The following POLR1A variants were observed in gnomAD, a reference collection of about 807,000 sequenced individuals.
The protein encoded by POLR1A is RNA polymerase I subunit A.
A neutral mutation model predicts 205.3 loss-of-function variants in POLR1A; 84 were observed. The observed-to-expected ratio is 0.41, with a 90% CI of 0.34 to 0.49. The LOEUF (loss-of-function observed/expected upper bound fraction) is 0.49, where lower values mean the gene tolerates loss of function less well. Among genes scored for constraint, POLR1A ranks in the 20% least tolerant of loss-of-function variants. POLR1A has a pLI of 0.22. For synonymous variants in POLR1A, 799 were observed against 863.7 expected, an observed-to-expected ratio of 0.93 and a Z score of 1.31; for missense variants, 1,645 against 2,204.5, an observed-to-expected ratio of 0.75 and a Z score of 5.08.
intron 30 of POLR1A, 76 bp from the exon 31 acceptor site, chr2:86,030,472 C>G: frequency 9.1e-7 from 1 of 1,095,872 alleles, no homozygotes. Flanking sequence ...GAGACTCCTT[C>G]AAAACCTTTT....
intron 27 of POLR1A, among the ~76,000 whole-genome samples, chr2:86,037,387 C>T (rs1203610708): frequency 6.6e-6 from 1 of 152,276 alleles, no homozygotes; most frequent in African/African-American, 2.4e-5. Flanking sequence ...TCCTCCACCC[C>T]AAGACCCACC....
chr2:86,062,445 A>C, intron 14 of POLR1A, among the ~76,000 whole-genome samples: 1 of 152,166 alleles, frequency 6.6e-6, no homozygotes, highest in East Asian at 1.9e-4. Context: ...ATAACTGAAC[A>C]ACATACTTCT....
chr2:86,089,628 G>T (rs1673565691), intron 4 of POLR1A, among the ~76,000 whole-genome samples, 194 bp downstream of exon 4: 1 of 152,202 alleles, frequency 6.6e-6, no homozygotes, highest in African/African-American at 2.4e-5. Context: ...CTGCAGGCAG[G>T]CATTAGAGAT....
intron 12 of POLR1A, among the ~76,000 whole-genome samples, 187 bp downstream of exon 12, chr2:86,074,843 T>C (rs1373835438): frequency 6.6e-6 from 1 of 152,166 alleles, no homozygotes; most frequent in Non-Finnish European, 1.5e-5. Context: ...TAGTCCTGTT[T>C]AAGGGCAGCC....
intron 14 of POLR1A, 54 bp downstream of exon 14, chr2:86,065,220 C>T: frequency 6.8e-7 from 1 of 1,474,814 alleles, no homozygotes. Flanking sequence ...AAACCTTTTA[C>T]ATGAGTGGCC....
rs760849405 is a variant in POLR1A at position 86,028,564 on chromosome 2, C to G, written c.4897+30G>C. 1 of 1,534,566 alleles carries G rather than the reference C, an allele frequency of 6.5e-7. No homozygotes were observed. Among genetic ancestry groups the G allele is most frequent in the South Asian group, 1.1e-5 (1 of 89,546 alleles). On this transcript the variant is annotated intron_variant, in intron 32 of 33. Coordinates refer to ENST00000263857, the MANE Select transcript of POLR1A (RefSeq NM_015425.6). The surrounding 1 kb of genome is among the most constrained non-coding windows in gnomAD (Gnocchi z 4.5). ...CTGGTGTCCTGGCTGGTGCCCAGAC[C>G]TCGGGGTGTTATCTGCAAGCTCCCC...
At chr2:86,103,778 A>C (rs1008664486) in intron 1 of POLR1A, among the ~76,000 whole-genome samples, 15 of 152,236 alleles carry the variant, frequency 9.9e-5, no homozygotes, top group Non-Finnish European at 2.1e-4. Context: ...ACAAAAAGTC[A>C]CTAAAGCACC....
chr2:86,028,672 C>A lies in POLR1A; in HGVS notation c.4819G>T (p.Ala1607Ser), dbSNP rs201345115. The A allele has an allele frequency of 3.1e-6, 5 of 1,614,020 alleles. No homozygotes were observed. The highest frequency in any genetic ancestry group is 1.7e-5 in the Admixed American group (1 of 60,008). The change falls in exon 32 of 34, where the codon GCC becomes TCC. Residue 1607 changes from alanine (A) to serine (S), a missense_variant. Physicochemically the swap from Ala to Ser is moderately conservative, Grantham distance 99 (BLOSUM62 1). Transcript: ENST00000263857. This position sits in a 1 kb window ranked among gnomAD's most constrained non-coding sequence, Gnocchi z 4.5. Reference sequence around the variant, plus strand: ...TCAATGCCATACGTGTTGGCTATGGCGTGGATGTCGTTGGAGTAGAGGCGG... The same window carrying A: ...TCAATGCCATACGTGTTGGCTATGGAGTGGATGTCGTTGGAGTAGAGGCGG... ...LRRLYSNDIHAIANTYGIEAA... is the reference protein window; with the variant it reads ...LRRLYSNDIHSIANTYGIEAA...
intron 16 of POLR1A, among the ~76,000 whole-genome samples, chr2:86,050,819 T>C (rs986846371): frequency 6.6e-6 from 1 of 152,208 alleles, no homozygotes; most frequent in African/African-American, 2.4e-5. Context: ...TCATCATGCT[T>C]CACTTTCTTT....
At chr2:86,067,617 T>G (rs1673105110) in intron 13 of POLR1A, among the ~76,000 whole-genome samples, 1 of 152,172 alleles carries the variant, frequency 6.6e-6, no homozygotes, top group Admixed American at 6.5e-5. Context: ...TTAAGGAAGA[T>G]AACCTGGTAA....
chr2:86,061,317 C>G (rs1352624290), intron 14 of POLR1A, among the ~76,000 whole-genome samples: 2 of 152,090 alleles, frequency 1.3e-5, no homozygotes, highest in African/African-American at 4.8e-5. Context: ...TGTGGTGGAG[C>G]ACATCTGTAA....
At chr2:86,047,134 T>C in intron 19 of POLR1A, 31 bp downstream of exon 19, 2 of 1,523,784 alleles carry the variant, frequency 1.3e-6, no homozygotes, top group Non-Finnish European at 1.8e-6. Flanking sequence ...TGCTGACACC[T>C]GTAAAGCTGC....
At position 86,089,884 on chromosome 2, in the gene POLR1A, C is replaced by G; in HGVS notation, c.478G>C (p.Glu160Gln). ...PDPSASEIRE[E>Q]LEQYTTEIVQ... The stretch of plus-strand genomic sequence containing the variant: ...ATTTCAGTTGTGTATTGTTCTAATT[C>G]CTCCCGAATTTCAGAGGCAGAGGGA... The change falls in exon 4 of 34, where the codon GAA becomes CAA. Residue 160 changes from glutamate to glutamine, a missense_variant. Glu to Gln is a conservative substitution (Grantham distance 29). Coordinates refer to ENST00000263857, the MANE Select transcript of POLR1A (RefSeq NM_015425.6). 1.2e-6 allele frequency: 2 copies of G among 1,612,910 alleles called. No homozygotes were observed. Among genetic ancestry groups the G allele is most frequent in the African/African-American group, 1.3e-5 (1 of 75,022 alleles).
chr2:86,076,443 G>A (rs141569523), intron 11 of POLR1A, among the ~76,000 whole-genome samples: 2 of 152,310 alleles, frequency 1.3e-5, no homozygotes, highest in East Asian at 3.9e-4. Flanking sequence ...TGCTTTATAT[G>A]GGAGCACATT....
intron 8 of POLR1A, among the ~76,000 whole-genome samples, chr2:86,081,396 AAAAC>A (rs1448164074): frequency 6.6e-6 from 1 of 152,132 alleles, no homozygotes; most frequent in Non-Finnish European, 1.5e-5. Context: ...ACTCCACTTC[AAAAC>A]AAACAAACAA....
At chr2:86,029,809 C>A (rs1672347789) in intron 31 of POLR1A, among the ~76,000 whole-genome samples, 1 of 151,812 alleles carries the variant, frequency 6.6e-6, no homozygotes, top group South Asian at 2.1e-4. Flanking sequence ...ACCGTGTTAG[C>A]CAGGATGGTC....
intron 14 of POLR1A, among the ~76,000 whole-genome samples, chr2:86,063,958 T>G (rs1283776358): frequency 6.6e-6 from 1 of 152,146 alleles, no homozygotes; most frequent in Non-Finnish European, 1.5e-5. Context: ...CCATGAGCTA[T>G]TTAAGAAGTA....
At chr2:86,095,208 G>C (rs1673682751) in intron 3 of POLR1A, among the ~76,000 whole-genome samples, 1 of 152,196 alleles carries the variant, frequency 6.6e-6, no homozygotes, top group Non-Finnish European at 1.5e-5. Flanking sequence ...ATCCCAGCTT[G>C]CTCTGCCCAC....
rs375300883 is a variant in POLR1A, at chr2:86,065,453, A to G, written c.1879T>C (p.Leu627=). ...QYLVPKDGQP[L]AGLIQDHMVS... is the part of the protein sequence containing the mutation. ...ATGTGATCCTGGATCAGTCCCGCCAATGGTTGGCCATCCTATAAGCCAAAA... is the reference window on the plus strand; with the variant it reads ...ATGTGATCCTGGATCAGTCCCGCCAGTGGTTGGCCATCCTATAAGCCAAAA... The change falls in exon 14 of 34, where the codon TTG becomes CTG. Residue 627 remains leucine, a synonymous_variant. Transcript: ENST00000263857. The G allele has an allele frequency of 1.6e-5, 26 of 1,612,730 alleles. No homozygotes were observed. The Middle Eastern group carries it at 4.9e-4, about 31-fold the overall frequency.
Sources: allele counts gnomAD v4.1 joint callset (sites outside exome capture counted in the v4.1 genomes callset), GRCh38; gene constraint gnomAD v4.1.1; non-coding constraint Gnocchi (gnomAD v3.1); transcripts MANE v1.5; gene names NCBI Gene and HGNC (gene_info 2026-07-23, HGNC 2026-07-21).